The following NRXN1 variants were observed in gnomAD, a reference collection of about 807,000 sequenced individuals.
NRXN1 encodes neurexin 1, also known as neurexin-1.
A neutral mutation model predicts 150.9 loss-of-function variants in NRXN1; 39 were observed. The observed-to-expected ratio is 0.26, with a 90% CI of 0.20 to 0.34. The LOEUF (loss-of-function observed/expected upper bound fraction) is 0.34. Ranked by LOEUF, NRXN1 falls within the 10% of genes least tolerant of loss-of-function variation. NRXN1 has a pLI of 1.00. For synonymous variants in NRXN1, 924 were observed against 757.0 expected, an observed-to-expected ratio of 1.22 and a Z score of -3.62; for missense variants, 1,815 against 1,949.9, an observed-to-expected ratio of 0.93 and a Z score of 1.30.
intron 18 of NRXN1, among the ~76,000 whole-genome samples, chr2:50,233,434 G>A (rs2065145631): frequency 1.3e-5 from 2 of 151,958 alleles, no homozygotes; most frequent in South Asian, 2.1e-4. Flanking sequence ...TGAAAAATTG[G>A]ATGACAAACC....
chr2:50,350,268 A>G (rs553200423), intron 17 of NRXN1, among the ~76,000 whole-genome samples: 1 of 152,296 alleles, frequency 6.6e-6, no homozygotes, highest in East Asian at 1.9e-4. Flanking sequence ...AACATATCTA[A>G]TATGTATTTT....
intron 12 of NRXN1, among the ~76,000 whole-genome samples, chr2:50,517,413 CT>C (rs10706818): frequency 0.81 from 123,478 of 151,858 alleles, 50,484 homozygotes; most frequent in Non-Finnish European, 0.86. Context: ...CTTTGTGGGA[CT>C]TTTTTTTAAA....
At chr2:50,274,115 T>C (rs550154444) in intron 17 of NRXN1, among the ~76,000 whole-genome samples, 78 of 152,228 alleles carry the variant, frequency 5.1e-4, no homozygotes, top group African/African-American at 1.9e-3. Flanking sequence ...AGCAAAGACT[T>C]GGCACCAACC....
intron 17 of NRXN1, among the ~76,000 whole-genome samples, chr2:50,334,287 A>C (rs759184799): frequency 2.1e-4 from 32 of 151,142 alleles, no homozygotes; most frequent in Non-Finnish European, 4.0e-4. Flanking sequence ...GTACATACAA[A>C]GTCATTCATT....
chr2:50,368,078 G>A (rs547139637), intron 17 of NRXN1, among the ~76,000 whole-genome samples: 3 of 152,110 alleles, frequency 2.0e-5, no homozygotes, highest in Admixed American at 6.6e-5. Context: ...GACTGTCTTT[G>A]TCATTGCTTC....
At chr2:50,371,688 A>T (rs1182950632) in intron 17 of NRXN1, among the ~76,000 whole-genome samples, 1 of 152,022 alleles carries the variant, frequency 6.6e-6, no homozygotes, top group Non-Finnish European at 1.5e-5. Flanking sequence ...TCATCTGTGC[A>T]TTTTTATGGA....
chr2:50,379,059 T>C, intron 17 of NRXN1, among the ~76,000 whole-genome samples: 1 of 151,974 alleles, frequency 6.6e-6, no homozygotes, highest in Non-Finnish European at 1.5e-5. Flanking sequence ...AAAAAACATT[T>C]GTTTAATGAA....
At chr2:50,242,225 C>A (rs566671794) in intron 17 of NRXN1, among the ~76,000 whole-genome samples, 3 of 151,750 alleles carry the variant, frequency 2.0e-5, no homozygotes, top group East Asian at 1.9e-4. Context: ...TTTCTACAAC[C>A]TTTTCCAGAT....
intron 2 of NRXN1, among the ~76,000 whole-genome samples, chr2:50,983,920 C>G (rs1697254284): frequency 1.3e-5 from 2 of 151,658 alleles, no homozygotes; most frequent in Admixed American, 1.3e-4. Flanking sequence ...TATTTGCTGG[C>G]AAAAAGCTAG....
intron 17 of NRXN1, among the ~76,000 whole-genome samples, chr2:50,312,088 C>T (rs962562945): frequency 6.6e-6 from 1 of 152,080 alleles, no homozygotes; most frequent in Non-Finnish European, 1.5e-5. Flanking sequence ...ATTCACTAAT[C>T]TGTAAATTTG....
At chr2:50,676,151 G>A (rs1559110087) in intron 5 of NRXN1, among the ~76,000 whole-genome samples, 1 of 151,934 alleles carries the variant, frequency 6.6e-6, no homozygotes, top group Non-Finnish European at 1.5e-5. Flanking sequence ...AAAGAGTCTG[G>A]GACCTCACCC....
chr2:50,038,919 C>T (rs1356601963), intron 21 of NRXN1, among the ~76,000 whole-genome samples: 1 of 151,974 alleles, frequency 6.6e-6, no homozygotes, highest in East Asian at 1.9e-4. Context: ...GTGGATCATG[C>T]CTGTAATCCC....
chr2:50,271,800 T>C (rs1205068979), intron 17 of NRXN1, among the ~76,000 whole-genome samples: 2 of 152,190 alleles, frequency 1.3e-5, no homozygotes, highest in African/African-American at 4.8e-5. Context: ...ATAATGGTAC[T>C]TTCCTTTTCC....
chr2:50,958,617 T>C (rs1054627527), intron 2 of NRXN1, among the ~76,000 whole-genome samples: 2 of 152,140 alleles, frequency 1.3e-5, no homozygotes. Context: ...CTTTTCTGTA[T>C]GCAAGATAAT....
intron 17 of NRXN1, among the ~76,000 whole-genome samples, chr2:50,411,661 C>A (rs1292436049): frequency 6.7e-6 from 1 of 150,150 alleles, no homozygotes; most frequent in Non-Finnish European, 1.5e-5. Flanking sequence ...AAGTGAGGAG[C>A]CCCTCCGCCC....
intron 22 of NRXN1, among the ~76,000 whole-genome samples, chr2:49,928,910 A>G (rs1167526008): frequency 6.6e-6 from 1 of 152,136 alleles, no homozygotes; most frequent in African/African-American, 2.4e-5. Context: ...AGGTCAGACA[A>G]GTCTTGAGAG....
intron 5 of NRXN1, among the ~76,000 whole-genome samples, chr2:50,674,084 A>C (rs950218309): frequency 6.6e-6 from 1 of 152,226 alleles, no homozygotes; most frequent in African/African-American, 2.4e-5. Flanking sequence ...GTACCCCAGA[A>C]CTTAAAGTAT....
chr2:50,301,289 T>A (rs1005430494), intron 17 of NRXN1, among the ~76,000 whole-genome samples: 2 of 152,180 alleles, frequency 1.3e-5, no homozygotes, highest in African/African-American at 4.8e-5. Flanking sequence ...ACTCATTACA[T>A]AAGACTATAA....
At chr2:50,786,644 G>C (rs998491372) in intron 5 of NRXN1, among the ~76,000 whole-genome samples, 2 of 152,140 alleles carry the variant, frequency 1.3e-5, no homozygotes, top group Non-Finnish European at 2.9e-5. Context: ...TTTCAATTTT[G>C]ATCCGAGACA....
Sources: allele counts gnomAD v4.1 joint callset (sites outside exome capture counted in the v4.1 genomes callset), GRCh38; gene constraint gnomAD v4.1.1; transcripts MANE v1.5; gene names NCBI Gene and HGNC (gene_info 2026-07-23, HGNC 2026-07-21).